The following CCSER1 variants were observed in gnomAD, a reference collection of about 807,000 sequenced individuals.
The protein encoded by CCSER1 is coiled-coil serine rich protein 1.
CCSER1 carries 41 observed loss-of-function variants against 82.0 expected under a neutral mutation model. The ratio of observed to expected loss-of-function variants is 0.50; its 90% confidence interval spans 0.39 to 0.65. The LOEUF (loss-of-function observed/expected upper bound fraction) is 0.65. Among genes scored for constraint, CCSER1 ranks in the 30% least tolerant of loss-of-function variants. The pLI is 0.00. For missense variants in CCSER1, 1,119 were observed against 1,064.2 expected (o/e 1.05, Z -0.72); for synonymous variants, 414 against 383.9 (o/e 1.08, Z -0.92).
chr4:91,499,988 C>T (rs1375602707), intron 10 of CCSER1, among the ~76,000 whole-genome samples: 1 of 151,980 alleles, frequency 6.6e-6, no homozygotes, highest in Non-Finnish European at 1.5e-5. Context: ...TGGTAAAAAT[C>T]AATAAGTGCA....
At chr4:90,271,561 C>T (rs1726278066) in intron 1 of CCSER1, among the ~76,000 whole-genome samples, 1 of 151,754 alleles carries the variant, frequency 6.6e-6, no homozygotes. Context: ...TGGGGAAACT[C>T]TTCAGGAAAT....
chr4:90,207,216 G>T (rs1739029277), intron 1 of CCSER1, among the ~76,000 whole-genome samples: 1 of 151,928 alleles, frequency 6.6e-6, no homozygotes, highest in South Asian at 2.1e-4. Context: ...TGTGTGATCT[G>T]ATCCTGTCAT....
At chr4:90,785,560 G>C (rs1306236425) in intron 7 of CCSER1, among the ~76,000 whole-genome samples, 1 of 152,086 alleles carries the variant, frequency 6.6e-6, no homozygotes, top group Non-Finnish European at 1.5e-5. Context: ...CTCTCAATGT[G>C]ACAAATTCTG....
chr4:91,263,524 C>T (rs1741350365), intron 10 of CCSER1, among the ~76,000 whole-genome samples: 1 of 151,980 alleles, frequency 6.6e-6, no homozygotes, highest in African/African-American at 2.4e-5. Flanking sequence ...TATAAAATAA[C>T]TGACCCACAT....
intron 10 of CCSER1, among the ~76,000 whole-genome samples, chr4:91,137,633 G>A (rs1728614353): frequency 1.4e-5 from 2 of 146,588 alleles, no homozygotes; most frequent in African/African-American, 5.1e-5. Context: ...CACCAACAGT[G>A]TCAAAGTGTT....
chr4:90,667,498 C>T lies in CCSER1; in HGVS notation c.1932+39266C>T, dbSNP rs572823216. On this transcript the variant is annotated intron_variant, in intron 6 of 10. Coordinates refer to ENST00000509176, the MANE Select transcript of CCSER1 (RefSeq NM_001145065.2). Reference sequence around the variant, plus strand: ...TCTAATGCTATCCCTCCCCAGCCCCCCACTCCCTGACAGGCCCCGGTGGGT... The same window carrying T: ...TCTAATGCTATCCCTCCCCAGCCCCTCACTCCCTGACAGGCCCCGGTGGGT... Among the ~76,000 whole-genome samples the T allele has an allele frequency of 3.3e-5, 5 of 152,256 alleles. No individual in the cohort carries two copies. In the East Asian group the frequency reaches 5.8e-4, roughly 18 times the overall value.
At chr4:91,567,797 C>T (rs1255442343) in intron 10 of CCSER1, among the ~76,000 whole-genome samples, 2 of 152,022 alleles carry the variant, frequency 1.3e-5, no homozygotes, top group African/African-American at 2.4e-5. Flanking sequence ...CAGCTACCCA[C>T]TGAGTCTTGC....
intron 10 of CCSER1, among the ~76,000 whole-genome samples, chr4:91,464,660 T>C (rs925364431): frequency 2.0e-5 from 3 of 151,768 alleles, no homozygotes; most frequent in Non-Finnish European, 4.4e-5. Context: ...TGGAGGAAGA[T>C]CTCCCAAGCA....
intron 5 of CCSER1, among the ~76,000 whole-genome samples, chr4:90,602,254 T>C (rs889930094): frequency 3.4e-4 from 52 of 152,300 alleles, no homozygotes; most frequent in African/African-American, 1.1e-3. Flanking sequence ...AACCCCCTTT[T>C]TCAATATGGA....
chr4:90,653,827 T>C (rs1429810444), intron 6 of CCSER1, among the ~76,000 whole-genome samples: 1 of 152,160 alleles, frequency 6.6e-6, no homozygotes, highest in African/African-American at 2.4e-5. Context: ...CACACTGCTA[T>C]AAAGAACTAC....
chr4:91,063,652 A>G (rs1015420322), intron 9 of CCSER1, among the ~76,000 whole-genome samples: 4 of 152,064 alleles, frequency 2.6e-5, no homozygotes, highest in African/African-American at 7.2e-5. Context: ...CTAATTTTGC[A>G]TGGAGATATA....
intron 10 of CCSER1, among the ~76,000 whole-genome samples, chr4:91,208,750 G>A (rs1397514223): frequency 6.6e-6 from 1 of 151,692 alleles, no homozygotes; most frequent in East Asian, 1.9e-4. Flanking sequence ...TTCTAGTTCT[G>A]TGAAGAATGG....
intron 9 of CCSER1, among the ~76,000 whole-genome samples, chr4:91,024,018 G>A (rs1276721459): frequency 1.3e-5 from 2 of 152,142 alleles, no homozygotes; most frequent in Non-Finnish European, 2.9e-5. Flanking sequence ...AGAGCTGAAG[G>A]CAGCACAGTG....
chr4:90,847,697 G>A (rs565696786), intron 8 of CCSER1, among the ~76,000 whole-genome samples: 20 of 152,220 alleles, frequency 1.3e-4, no homozygotes, highest in Admixed American at 2.6e-4. Context: ...GGAAAAAGTC[G>A]CAAATAATCC....
intron 1 of CCSER1, among the ~76,000 whole-genome samples, chr4:90,260,568 T>C (rs1383775345): frequency 1.3e-5 from 2 of 152,184 alleles, no homozygotes; most frequent in African/African-American, 4.8e-5. Flanking sequence ...GACATAAGAA[T>C]AGCTACTCCT....
intron 10 of CCSER1, among the ~76,000 whole-genome samples, chr4:91,284,351 GT>G (rs749572146): frequency 5.9e-5 from 9 of 151,718 alleles, no homozygotes; most frequent in South Asian, 2.1e-4. Context: ...AACAATGTTG[GT>G]TTTTTTTCCC....
chr4:90,357,883 A>G (rs1744640632), intron 3 of CCSER1, among the ~76,000 whole-genome samples: 1 of 152,048 alleles, frequency 6.6e-6, no homozygotes. Flanking sequence ...AGCTTTACTG[A>G]AAGCAAATCT....
chr4:90,649,180 A>T (rs1348322906), intron 6 of CCSER1, among the ~76,000 whole-genome samples: 1 of 152,212 alleles, frequency 6.6e-6, no homozygotes, highest in African/African-American at 2.4e-5. Context: ...TGCAGGACAT[A>T]TTAGAATAAA....
chr4:91,142,828 A>G (rs1443303643), intron 10 of CCSER1, among the ~76,000 whole-genome samples: 1 of 151,848 alleles, frequency 6.6e-6, no homozygotes, highest in Admixed American at 6.6e-5. Flanking sequence ...ATTCTCTTCC[A>G]TTGGACTTTG....
Sources: allele counts gnomAD v4.1 joint callset (sites outside exome capture counted in the v4.1 genomes callset), GRCh38; gene constraint gnomAD v4.1.1; transcripts MANE v1.5; gene names NCBI Gene and HGNC (gene_info 2026-07-23, HGNC 2026-07-21).